Variants in CACNA1C observed in about 807,000 individuals in gnomAD.
The protein encoded by CACNA1C is calcium voltage-gated channel subunit alpha1 C, also known as voltage-dependent L-type calcium channel subunit alpha-1C.
In CACNA1C, 30 loss-of-function variants were observed where a neutral mutation model predicts 229.0. The ratio of observed to expected loss-of-function variants is 0.13; its 90% CI spans 0.10 to 0.18. CACNA1C has a LOEUF of 0.18. Among genes scored for constraint, CACNA1C ranks in the 10% least tolerant of loss-of-function variants. The probability of loss-of-function intolerance (pLI) is 1.00; values close to 1 mark genes in which losing one functional copy is unlikely to be tolerated. For missense variants in CACNA1C, 1,658 were observed against 2,845.0 expected (o/e 0.58, Z 9.49); for synonymous variants, 1,114 against 1,132.5 (o/e 0.98, Z 0.33).
intron 3 of CACNA1C, among the ~76,000 whole-genome samples, chr12:2,246,816 G>A (rs1486779800): frequency 6.6e-6 from 1 of 152,176 alleles, no homozygotes; most frequent in Non-Finnish European, 1.5e-5. Flanking sequence ...GGTTGGGGGT[G>A]AGGGGTGATG....
At chr12:2,468,040 T>C (rs1163293240) in intron 5 of CACNA1C, among the ~76,000 whole-genome samples, 1 of 151,946 alleles carries the variant, frequency 6.6e-6, no homozygotes, top group Admixed American at 6.6e-5. Flanking sequence ...CCGCACCAGA[T>C]AGGAAGGGAA....
chr12:2,509,162 C>CG (rs2099778073), intron 8 of CACNA1C, among the ~76,000 whole-genome samples: 1 of 152,098 alleles, frequency 6.6e-6, no homozygotes, highest in African/African-American at 2.4e-5. Flanking sequence ...GCAGAGGACC[C>CG]GGGAGGTAGG....
intron 10 of CACNA1C, among the ~76,000 whole-genome samples, chr12:2,553,656 C>T (rs1182860430): frequency 1.3e-5 from 2 of 152,230 alleles, no homozygotes; most frequent in African/African-American, 4.8e-5. Flanking sequence ...CAGGGTGGGG[C>T]TTAGCCATGC....
At chr12:2,300,614 G>T (rs557182197) in intron 3 of CACNA1C, among the ~76,000 whole-genome samples, 59 of 152,272 alleles carry the variant, frequency 3.9e-4, no homozygotes, top group African/African-American at 1.3e-3. Flanking sequence ...GACAGAGTGA[G>T]ACCTTCTCTA....
intron 9 of CACNA1C, among the ~76,000 whole-genome samples, chr12:2,522,045 C>G (rs1302800182): frequency 6.6e-6 from 1 of 152,216 alleles, no homozygotes; most frequent in Non-Finnish European, 1.5e-5. Flanking sequence ...TGTCCTGTTT[C>G]TGCACCTTTA....
chr12:2,550,767 C>T (rs1310592200), intron 10 of CACNA1C: 2 of 900,870 alleles, frequency 2.2e-6, no homozygotes, highest in African/African-American at 1.7e-5. Flanking sequence ...AAGCGCAGCC[C>T]TTTCACAACG....
intron 9 of CACNA1C, among the ~76,000 whole-genome samples, chr12:2,539,026 A>T (rs1349929026): frequency 6.6e-6 from 1 of 152,130 alleles, no homozygotes; most frequent in Admixed American, 6.5e-5. Context: ...AAAGGCCTGG[A>T]CTCAAGACCT....
At position 2,691,108 on chromosome 12, in the gene CACNA1C, G is replaced by A; in HGVS notation, c.6326G>A (p.Gly2109Glu). 1 of 1,611,968 alleles carries A rather than the reference G, an allele frequency of 6.2e-7. No individual in the cohort carries two copies. The highest frequency in any genetic ancestry group is 8.5e-7 in the Non-Finnish European group (1 of 1,178,864). Residue 2109 changes from glycine to glutamate, a missense_variant, in exon 47 of 47, where the codon GGG becomes GAG. Transcript: ENST00000399655. ...NCRDAGQDRA[G>E]GEEDAGCVRA... ...AGGGACGCGGGGCAGGACCGAGCCGGGGGCGAAGAGGACGCGGGCTGTGTG... is the reference window on the plus strand; with the variant it reads ...AGGGACGCGGGGCAGGACCGAGCCGAGGGCGAAGAGGACGCGGGCTGTGTG...
At chr12:2,165,797 T>G (rs1206448545) in intron 3 of CACNA1C, among the ~76,000 whole-genome samples, 2 of 152,168 alleles carry the variant, frequency 1.3e-5, no homozygotes, top group East Asian at 3.9e-4. Flanking sequence ...TAGCACACAG[T>G]GTGCAGTAGG....
chr12:2,324,582 G>A (rs1044335704), intron 3 of CACNA1C, among the ~76,000 whole-genome samples: 3 of 152,254 alleles, frequency 2.0e-5, no homozygotes, highest in African/African-American at 7.2e-5. Context: ...AGCTGCACCT[G>A]CTGGAGCAGG....
At chr12:2,166,538 G>A (rs1407662682) in intron 3 of CACNA1C, among the ~76,000 whole-genome samples, 1 of 152,188 alleles carries the variant, frequency 6.6e-6, no homozygotes, top group Non-Finnish European at 1.5e-5. Flanking sequence ...CTTGCTCTCT[G>A]TCTAGTATGG....
chr12:2,509,448 T>C (rs2099778683), intron 8 of CACNA1C, among the ~76,000 whole-genome samples: 1 of 152,222 alleles, frequency 6.6e-6, no homozygotes, highest in South Asian at 2.1e-4. Context: ...TTGTTTCCTG[T>C]GAGCCTCTGC....
intron 3 of CACNA1C, among the ~76,000 whole-genome samples, chr12:2,139,432 G>T (rs1188965636): frequency 6.6e-6 from 1 of 151,164 alleles, no homozygotes; most frequent in African/African-American, 2.4e-5. Flanking sequence ...GCTCTCACCA[G>T]CAGCGAGCCC....
intron 13 of CACNA1C, among the ~76,000 whole-genome samples, chr12:2,572,319 TCTTCCTCCTCCTTCTCTTCTTC>T (rs2055116939): frequency 1.4e-5 from 2 of 139,784 alleles, no homozygotes; most frequent in Admixed American, 7.1e-5. Flanking sequence ...CTCCTCCTCC[TCTTCCTCCTCCTTCTCTTCTTC>T]CTCCTCCTCC....
intron 3 of CACNA1C, among the ~76,000 whole-genome samples, chr12:2,170,541 T>C (rs1404862100): frequency 6.6e-6 from 1 of 152,238 alleles, no homozygotes; most frequent in Non-Finnish European, 1.5e-5. Flanking sequence ...AAGATCAAAA[T>C]AATTAGTCAG....
Position 2,200,463 on chromosome 12 carries a change from C to T in CACNA1C, c.477+80033C>T, listed in dbSNP as rs532353805. Among the ~76,000 whole-genome samples, 40 of 152,198 alleles carry T rather than the reference C, an allele frequency of 2.6e-4. 1 individual carries two copies. Among genetic ancestry groups the T allele is most frequent in the Admixed American group, 2.1e-3 (32 of 15,296 alleles). On this transcript the variant is annotated intron_variant, in intron 3 of 46. Transcript: ENST00000399655. ...TCTAGCGGATAGAGGCCAGGGAAGC[C>T]GCTAAACATCCTGCCATGCACAGGA...
At chr12:2,584,126 G>A (rs1024709089) in intron 15 of CACNA1C, among the ~76,000 whole-genome samples, 1 of 152,194 alleles carries the variant, frequency 6.6e-6, no homozygotes, top group Non-Finnish European at 1.5e-5. Context: ...ATAATAAACC[G>A]CTCTTAAGAG....
intron 11 of CACNA1C, among the ~76,000 whole-genome samples, chr12:2,562,384 T>A (rs530010635): frequency 3.0e-4 from 45 of 152,366 alleles, no homozygotes; most frequent in African/African-American, 1.0e-3. Flanking sequence ...CTTGAGACTG[T>A]ATCTATTTAA....
intron 1 of CACNA1C, among the ~76,000 whole-genome samples, chr12:1,990,861 C>CT (rs1481180845): frequency 6.6e-6 from 1 of 152,056 alleles, no homozygotes; most frequent in Non-Finnish European, 1.5e-5. Context: ...ATCTGACACT[C>CT]TGACAGCACC....
Sources: allele counts gnomAD v4.1 joint callset (sites outside exome capture counted in the v4.1 genomes callset), GRCh38; gene constraint gnomAD v4.1.1; transcripts MANE v1.5; gene names NCBI Gene and HGNC (gene_info 2026-07-23, HGNC 2026-07-21).